The following EXD2 variants were observed in gnomAD, a reference collection of about 807,000 sequenced individuals.
The protein encoded by EXD2 is exonuclease 3'-5' domain containing 2.
Under a neutral mutation model 62.5 loss-of-function variants are expected in EXD2, and 40 were observed. That is an observed-to-expected ratio of 0.64 (90% CI 0.50 to 0.83). The LOEUF (loss-of-function observed/expected upper bound fraction) is 0.83, where lower values mean the gene tolerates loss of function less well. Ranked by LOEUF, EXD2 falls within the 40% of genes least tolerant of loss-of-function variation. EXD2 has a pLI of 0.00. For synonymous variants in EXD2, 239 were observed against 291.9 expected, an observed-to-expected ratio of 0.82 and a Z score of 1.85; for missense variants, 671 against 761.8, an observed-to-expected ratio of 0.88 and a Z score of 1.40.
rs183637731 is a variant in EXD2, at chr14:69,233,216, G to A, written c.718-1484G>A. 1.8e-4 allele frequency among the ~76,000 whole-genome samples: 28 copies of A among 152,212 alleles called. No homozygotes were observed. The East Asian group carries it at 5.2e-3, about 28-fold the overall frequency. ...TTCTGTGGGAAACAGTCTGCTAATA[G>A]ATATGTAGATTGTTGGATCTAGGTG... On this transcript the variant is annotated intron_variant, in intron 5 of 9. Transcript: ENST00000685843.
intron 3 of EXD2, among the ~76,000 whole-genome samples, chr14:69,220,578 A>G (rs2043151670): frequency 1.5e-5 from 2 of 136,894 alleles, no homozygotes; most frequent in South Asian, 2.6e-4. Context: ...TTTTTTAAAG[A>G]GACAGAGTTG....
chr14:69,217,332 G>A (rs2043018077), intron 3 of EXD2, among the ~76,000 whole-genome samples: 1 of 152,130 alleles, frequency 6.6e-6, no homozygotes, highest in Admixed American at 6.6e-5. Context: ...TGGGATTATG[G>A]GAGGGAGCTA....
In EXD2 at chr14:69,234,848, A is replaced by C; in HGVS notation, c.866A>C (p.Asp289Ala). Residue 289 changes from aspartate (D) to alanine (A), a missense_variant, in exon 6 of 10, where the codon GAC (aspartate) becomes GCC (alanine). By Grantham distance (126) the Asp-to-Ala change is moderately radical. Transcript: ENST00000685843. ...KVLEKCQGVVDIPFRSKGMSR... is the reference protein window; with the variant it reads ...KVLEKCQGVVAIPFRSKGMSR... ...TTGGAAAAATGCCAGGGTGTGGTCG[A>C]CATCCCATTTCGAAGCAAAGGAATG... is the stretch of plus-strand genomic sequence containing the variant. 2 of 1,614,252 alleles carry C rather than the reference A, an allele frequency of 1.2e-6. No individual in the cohort carries two copies. Among genetic ancestry groups the C allele is most frequent in the Non-Finnish European group, 1.7e-6 (2 of 1,180,050 alleles).
chr14:69,239,603 A>G (rs1293925775), intron 9 of EXD2, among the ~76,000 whole-genome samples: 1 of 152,244 alleles, frequency 6.6e-6, no homozygotes, highest in Non-Finnish European at 1.5e-5. Context: ...AGTAGGATTT[A>G]GATTTCTTAC....
In EXD2 at chr14:69,206,457, T is replaced by G. The variant is rs1382588052; in HGVS notation, c.-48+2457T>G. The stretch of plus-strand genomic sequence containing the variant: ...CAGCTTCATCTCCCACCCACCCACT[T>G]TTTTTTTTTTTTTTTTTTTTTTTTT... On this transcript the variant is annotated intron_variant, in intron 2 of 9. Transcript: ENST00000685843. Among the ~76,000 whole-genome samples, 17 of 29,278 alleles carry G rather than the reference T, an allele frequency of 5.8e-4. 1 individual carries two copies. The highest frequency in any genetic ancestry group is 1.4e-3 in the African/African-American group (13 of 9,334). 19.2% of individuals were successfully genotyped at this position (29,278 alleles called of 152,430 possible).
chr14:69,192,936 C>G (rs1265990751), intron 1 of EXD2, among the ~76,000 whole-genome samples: 1 of 152,106 alleles, frequency 6.6e-6, no homozygotes, highest in African/African-American at 2.4e-5. Flanking sequence ...CTGTGAGAGC[C>G]CATGTGAGAG....
intron 3 of EXD2, among the ~76,000 whole-genome samples, chr14:69,225,855 A>C (rs551458087): frequency 1.6e-4 from 25 of 152,232 alleles, no homozygotes; most frequent in Non-Finnish European, 3.1e-4. Context: ...AATATAAGTT[A>C]TGTACCTAGT....
In EXD2 at chr14:69,242,290, A is replaced by C; in HGVS notation, c.*1190A>C. ...ATGACCAGAATCCAACAAGAGCTCT[A>C]TTTTGGAATTGTGCCCAAGTTGGTG... On this transcript the variant is annotated 3_prime_UTR_variant, in exon 10 of 10. Transcript: ENST00000685843. 2.8e-6 allele frequency: 1 copy of C among 356,112 alleles called. No individual in the cohort carries two copies. Among genetic ancestry groups the C allele is most frequent in the Non-Finnish European group, 5.0e-6 (1 of 200,864 alleles). The allele number at this position is 356,112 out of a possible 1,614,324, so 22.1% of individuals were successfully genotyped here. A position where few individuals can be genotyped will look rare whatever the true frequency, so the allele number is the denominator to read the frequency against.
At chr14:69,236,354 T>C in intron 7 of EXD2, 53 bp from the exon 8 acceptor site, 1 of 1,612,496 alleles carries the variant, frequency 6.2e-7, no homozygotes, top group East Asian at 2.2e-5. Context: ...GCTTCTTGGG[T>C]GTGGTGGTGG....
chr14:69,214,320 A>G (rs1416026362), intron 3 of EXD2, among the ~76,000 whole-genome samples: 1 of 152,184 alleles, frequency 6.6e-6, no homozygotes, highest in East Asian at 1.9e-4. Flanking sequence ...TGTTTTATCA[A>G]TTTAAAATTT....
chr14:69,193,846 A>G (rs1423294010), intron 1 of EXD2, among the ~76,000 whole-genome samples: 1 of 152,002 alleles, frequency 6.6e-6, no homozygotes, highest in Non-Finnish European at 1.5e-5. Context: ...TGTTTGTTCC[A>G]CTAGGATGGT....
intron 8 of EXD2, among the ~76,000 whole-genome samples, chr14:69,237,000 G>C (rs1238922872): frequency 6.6e-6 from 1 of 152,216 alleles, no homozygotes; most frequent in African/African-American, 2.4e-5. Flanking sequence ...ACGTCTGAGT[G>C]CCCAGACACT....
intron 1 of EXD2, chr14:69,191,987 G>C (rs2042043684): frequency 6.6e-6 from 1 of 152,428 alleles, no homozygotes; most frequent in South Asian, 2.1e-4. Flanking sequence ...GTAGCTCCTC[G>C]GGCGCTGCGG....
At chr14:69,238,970 C>T (rs1193925858) in intron 9 of EXD2, among the ~76,000 whole-genome samples, 3 of 152,120 alleles carry the variant, frequency 2.0e-5, no homozygotes, top group African/African-American at 7.2e-5. Context: ...AGATGCAGAA[C>T]CCACAAAGAT....
chr14:69,241,182 T>C lies in EXD2; in HGVS notation c.*82T>C. The C allele has an allele frequency of 8.7e-7, 1 of 1,143,056 alleles. No individual in the cohort carries two copies. The highest frequency in any genetic ancestry group is 1.3e-6 in the Non-Finnish European group (1 of 798,082). 70.8% of individuals were successfully genotyped at this position (1,143,056 alleles called of 1,614,324 possible). ...CACCTCTTCCCATTTTAGTACATCA[T>C]TAATTGTCAAAGCCTGTGTGACACA... is the stretch of plus-strand genomic sequence containing the variant. On this transcript the variant is annotated 3_prime_UTR_variant, in exon 10 of 10. Transcript: ENST00000685843.
chr14:69,236,340 T>G (rs959167903), intron 7 of EXD2, 67 bp from the exon 8 acceptor site: 1 of 1,611,116 alleles, frequency 6.2e-7, no homozygotes, highest in Non-Finnish European at 8.5e-7. Flanking sequence ...GTGAAGGTAG[T>G]GCTGCTTCTT....
chr14:69,223,750 C>G (rs1215264701), intron 3 of EXD2, among the ~76,000 whole-genome samples: 3 of 152,094 alleles, frequency 2.0e-5, no homozygotes, highest in Admixed American at 1.3e-4. Context: ...TACATATTTC[C>G]TTGCATAACA....
intron 3 of EXD2, among the ~76,000 whole-genome samples, chr14:69,226,497 C>G (rs2043367413): frequency 6.6e-6 from 1 of 152,220 alleles, no homozygotes; most frequent in African/African-American, 2.4e-5. Context: ...CCTGTAATCA[C>G]AGCACTTTGG....
At chr14:69,226,719 G>A (rs1202077452) in intron 3 of EXD2, among the ~76,000 whole-genome samples, 1 of 151,870 alleles carries the variant, frequency 6.6e-6, no homozygotes, top group African/African-American at 2.4e-5. Context: ...CTGTACTCCA[G>A]CCTAGGCAAC....
Sources: gnomAD v4.1 joint callset for allele counts (sites outside exome capture counted in the v4.1 genomes callset) on GRCh38, gnomAD v4.1.1 for gene constraint, MANE v1.5 for transcripts, NCBI Gene and HGNC (gene_info 2026-07-23, HGNC 2026-07-21) for gene names.